HDLBP: variants seen among roughly 807,000 people sequenced by gnomAD.
HDLBP encodes vigilin.
A neutral mutation model predicts 137.3 loss-of-function variants in HDLBP; 30 were observed. The ratio of observed to expected loss-of-function variants is 0.22; its 90% CI spans 0.16 to 0.30. The LOEUF is 0.30. Ranked by LOEUF, HDLBP falls within the 10% of genes least tolerant of loss-of-function variation. The probability of loss-of-function intolerance (pLI) is 1.00; values close to 1 mark genes in which losing one functional copy is unlikely to be tolerated. For synonymous variants in HDLBP, 606 were observed against 596.0 expected, an observed-to-expected ratio of 1.02 and a Z score of -0.24; for missense variants, 1,119 against 1,667.3, an observed-to-expected ratio of 0.67 and a Z score of 5.73.
At chr2:241,295,484 CACAT>C (rs1022572349) in intron 1 of HDLBP, among the ~76,000 whole-genome samples, 13 of 152,154 alleles carry the variant, frequency 8.5e-5, no homozygotes, top group African/African-American at 2.9e-4. Context: ...TTTACACACA[CACAT>C]ATACACGAGA....
chr2:241,304,606 C>A (rs754191340), intron 1 of HDLBP, among the ~76,000 whole-genome samples: 1 of 152,216 alleles, frequency 6.6e-6, no homozygotes, highest in Admixed American at 6.5e-5. Flanking sequence ...TGAATATGTA[C>A]TTGGTGAAAA....
chr2:241,244,363 C>T (rs1476082298), intron 16 of HDLBP, among the ~76,000 whole-genome samples: 1 of 152,182 alleles, frequency 6.6e-6, no homozygotes, highest in Non-Finnish European at 1.5e-5. Flanking sequence ...TCAATAAACA[C>T]CAAGCTAAGA....
intron 1 of HDLBP, among the ~76,000 whole-genome samples, chr2:241,274,586 T>C (rs1475535415): frequency 1.3e-5 from 2 of 152,106 alleles, no homozygotes; most frequent in African/African-American, 2.4e-5. Flanking sequence ...CCAATAAAGC[T>C]AGGAAGTCAG....
At chr2:241,234,415 C>T (rs1310661582) in intron 23 of HDLBP, among the ~76,000 whole-genome samples, 1 of 152,228 alleles carries the variant, frequency 6.6e-6, no homozygotes, top group Non-Finnish European at 1.5e-5. Context: ...CAGGTATGAC[C>T]TGGCTGCAGG....
chr2:241,260,019 T>C (rs879312132), intron 5 of HDLBP, among the ~76,000 whole-genome samples: 1 of 152,194 alleles, frequency 6.6e-6, no homozygotes, highest in African/African-American at 2.4e-5. Flanking sequence ...ATTTATTATT[T>C]TGAGACAGAG....
chr2:241,264,528 C>G lies in HDLBP; in HGVS notation c.154G>C (p.Ala52Pro). 4 of 1,613,804 alleles carry G rather than the reference C, an allele frequency of 2.5e-6. No homozygotes were observed. The highest frequency in any genetic ancestry group is 3.4e-6 in the Non-Finnish European group (4 of 1,179,840). ...DAFPPLPEKA[A>P]CLESAQEPAG... ...GGTTCCTGGGCACTTTCCAGGCAAG[C>G]AGCTTTCTCAGGAAGTGGAGGGAAG... The change falls in exon 4 of 28, where the codon GCT becomes CCT. Residue 52 changes from alanine (A) to proline (P), a missense_variant. By Grantham distance (27) the Ala-to-Pro change is conservative. This residue lies in a region of HDLBP where 59 missense variants were observed against 92.4 expected (regional missense o/e 0.64). Coordinates refer to ENST00000310931, the MANE Select transcript of HDLBP (RefSeq NM_005336.6).
At chr2:241,249,185 G>T (rs1022662234) in intron 12 of HDLBP, among the ~76,000 whole-genome samples, 1 of 152,184 alleles carries the variant, frequency 6.6e-6, no homozygotes, top group African/African-American at 2.4e-5. Flanking sequence ...GATTCCTCGT[G>T]TGGGTACTGG....
At chr2:241,287,191 A>C (rs1369473916) in intron 1 of HDLBP, among the ~76,000 whole-genome samples, 1 of 151,404 alleles carries the variant, frequency 6.6e-6, no homozygotes, top group African/African-American at 2.4e-5. Flanking sequence ...GCTCACCGAA[A>C]CCTCCGCCTC....
intron 1 of HDLBP, among the ~76,000 whole-genome samples, chr2:241,284,714 C>G (rs748601339): frequency 6.6e-6 from 1 of 152,192 alleles, no homozygotes; most frequent in Non-Finnish European, 1.5e-5. Context: ...ATGCAGTAAA[C>G]TTCATTGTTG....
At chr2:241,307,944 C>T (rs915302778) in intron 1 of HDLBP, among the ~76,000 whole-genome samples, 3 of 151,890 alleles carry the variant, frequency 2.0e-5, no homozygotes, top group African/African-American at 7.3e-5. Flanking sequence ...GCCTCTACCC[C>T]CACAGGATAA....
intron 1 of HDLBP, among the ~76,000 whole-genome samples, chr2:241,312,172 A>G (rs2075775042): frequency 6.6e-6 from 1 of 152,246 alleles, no homozygotes; most frequent in Non-Finnish European, 1.5e-5. Flanking sequence ...ATGAATGCTA[A>G]TAAAAAGTAG....
Position 241,249,969 on chromosome 2 carries a change from T to C in HDLBP, c.1384A>G (p.Lys462Glu), listed in dbSNP as rs748599607. 6.2e-7 allele frequency: 1 copy of C among 1,601,194 alleles called. No individual in the cohort carries two copies. The highest frequency in any genetic ancestry group is 8.5e-7 in the Non-Finnish European group (1 of 1,176,034). The change falls in exon 12 of 28, where the codon AAA becomes GAA. Residue 462 changes from lysine (K) to glutamate (E), a missense_variant. Around this residue, in one of 4 missense-constraint regions of HDLBP, gnomAD observed 425 missense variants for 693.9 expected, o/e 0.61. Transcript: ENST00000310931. ...GKSGANINRI[K>E]DQYKVSVRIP... Reference sequence around the variant, plus strand: ...CGCACGGACACCTTGTACTGGTCTTTGATTCTGTTTACTTAGGAACACAAA... The same window carrying C: ...CGCACGGACACCTTGTACTGGTCTTCGATTCTGTTTACTTAGGAACACAAA...
In HDLBP at chr2:241,238,328, G is replaced by A. The variant is rs1266780082; in HGVS notation, c.2749+321C>T. On this transcript the variant is annotated intron_variant, in intron 20 of 27. Coordinates refer to ENST00000310931, the MANE Select transcript of HDLBP (RefSeq NM_005336.6). This position sits in a 1 kb window ranked among gnomAD's most constrained non-coding sequence, Gnocchi z 4.9. ...GGAAGCTCTACGACGGGGCTCATGC[G>A]ATCCAAACGATGTCATGAGAATCAC... 1.5e-5 allele frequency: 3 copies of A among 196,642 alleles called. No individual in the cohort carries two copies. The highest frequency in any genetic ancestry group is 6.1e-5 in the Admixed American group (1 of 16,484). 12.2% of individuals were successfully genotyped at this position (196,642 alleles called of 1,614,324 possible).
At position 241,255,808 on chromosome 2, in the gene HDLBP, T is replaced by C. The variant is rs181237408; in HGVS notation, c.874-228A>G. 2.6e-5 allele frequency among the ~76,000 whole-genome samples: 4 copies of C among 152,370 alleles called. No individual in the cohort carries two copies. In the East Asian group the frequency reaches 5.8e-4, roughly 22 times the overall value. Reference sequence around the variant, plus strand: ...ACCCGCCGGCTGATAACTTCGTCCTTGAACACTGCAAAACACCCAATCCTT... The same window carrying C: ...ACCCGCCGGCTGATAACTTCGTCCTCGAACACTGCAAAACACCCAATCCTT... On this transcript the variant is annotated intron_variant, in intron 7 of 27. Coordinates refer to ENST00000310931, the MANE Select transcript of HDLBP (RefSeq NM_005336.6).
intron 9 of HDLBP, 151 bp downstream of exon 9, chr2:241,254,900 A>T: frequency 1.5e-6 from 1 of 684,674 alleles, no homozygotes; most frequent in South Asian, 1.7e-5. Flanking sequence ...GCTAACACGG[A>T]AGTTGACCAT....
At chr2:241,313,248 G>A (rs183890718) in intron 1 of HDLBP, among the ~76,000 whole-genome samples, 1 of 152,202 alleles carries the variant, frequency 6.6e-6, no homozygotes, top group African/African-American at 2.4e-5. Context: ...TAGACCACAA[G>A]CTGCCTGAGG....
At chr2:241,270,951 A>C in intron 1 of HDLBP, 1 of 980,888 alleles carries the variant, frequency 1.0e-6, no homozygotes, top group South Asian at 4.7e-5. Context: ...CTCAGATATT[A>C]ATCTAATCCC....
rs945275616 is a variant in HDLBP at position 241,234,172 on chromosome 2, A to G, written c.3145-209T>C. Among the ~76,000 whole-genome samples, 30 of 152,194 alleles carry G rather than the reference A, an allele frequency of 2.0e-4. 1 individual carries two copies. ...AACCAGGGAACTTGGCTGCTCCACA[A>G]GGAGGTCTATAAATCCTTCAAAAGA... On this transcript the variant is annotated intron_variant, in intron 23 of 27. Coordinates refer to ENST00000310931, the MANE Select transcript of HDLBP (RefSeq NM_005336.6).
rs552804430 is a variant in HDLBP at position 241,248,820 on chromosome 2, G to T, written c.1513-472C>A. ...CGCATGGCTAAGAACGTTCAACACAGGGCACTGAACCCACATGGCTCTCAA... is the reference window on the plus strand; with the variant it reads ...CGCATGGCTAAGAACGTTCAACACATGGCACTGAACCCACATGGCTCTCAA... On this transcript the variant is annotated intron_variant, in intron 12 of 27. Coordinates refer to ENST00000310931, the MANE Select transcript of HDLBP (RefSeq NM_005336.6). 2.0e-5 allele frequency among the ~76,000 whole-genome samples: 3 copies of T among 152,120 alleles called. No homozygotes were observed. The South Asian group carries it at 6.2e-4, about 32-fold the overall frequency.
Sources: allele counts gnomAD v4.1 joint callset (sites outside exome capture counted in the v4.1 genomes callset), GRCh38; gene constraint gnomAD v4.1.1; regional missense constraint gnomAD v4.1.1; non-coding constraint Gnocchi (gnomAD v3.1); transcripts MANE v1.5; gene names NCBI Gene and HGNC (gene_info 2026-07-23, HGNC 2026-07-21).